Variants in PLCH2 observed in about 807,000 individuals in gnomAD.
The protein encoded by PLCH2 is phospholipase C eta 2.
PLCH2 carries 98 observed loss-of-function variants against 134.7 expected under a neutral mutation model. The observed-to-expected ratio is 0.73, with a 90% CI of 0.62 to 0.86. PLCH2 has a LOEUF of 0.86. PLCH2 is among the 40% of genes least tolerant of loss of function. The pLI is 0.00. For synonymous variants in PLCH2, 974 were observed against 827.5 expected, an observed-to-expected ratio of 1.18 and a Z score of -3.04; for missense variants, 1,994 against 1,986.6, an observed-to-expected ratio of 1.00 and a Z score of -0.07.
intron 2 of PLCH2, among the ~76,000 whole-genome samples, chr1:2,459,029 G>A (rs1457175075): frequency 6.6e-6 from 1 of 152,000 alleles, no homozygotes; most frequent in Non-Finnish European, 1.5e-5. Flanking sequence ...GTAGTGACCT[G>A]GCCCCCTCAT....
At chr1:2,431,888 G>C (rs2494640) in intron 2 of PLCH2, among the ~76,000 whole-genome samples, 95,581 of 151,968 alleles carry the variant, frequency 0.63, 30,417 homozygotes, top group South Asian at 0.74. Flanking sequence ...TGGTTGAGCC[G>C]GAATCGTGTC....
chr1:2,452,824 G>A (rs982321236), intron 2 of PLCH2, among the ~76,000 whole-genome samples: 11 of 152,218 alleles, frequency 7.2e-5, no homozygotes, highest in African/African-American at 2.2e-4. Flanking sequence ...GCCTGGCCCC[G>A]GGTGCAGCAA....
At chr1:2,462,841 C>CT (rs1029958328), upstream of PLCH2, among the ~76,000 whole-genome samples, 87 of 152,306 alleles carry the variant, frequency 5.7e-4, 1 homozygote, top group African/African-American at 2.0e-3. Context: ...TCAGCCCATC[C>CT]TGGTGCCAAG....
At chr1:2,438,681 G>A (rs377305235) in intron 2 of PLCH2, among the ~76,000 whole-genome samples, 3 of 152,182 alleles carry the variant, frequency 2.0e-5, no homozygotes, top group South Asian at 2.1e-4. Context: ...TCTTGCCCCC[G>A]CCTCCCAACA....
intron 12 of PLCH2, 30 bp from the exon 13 acceptor site, chr1:2,495,458 C>T: frequency 6.5e-7 from 1 of 1,546,114 alleles, no homozygotes; most frequent in Non-Finnish European, 8.8e-7. Flanking sequence ...GCCAGAGGCC[C>T]TACAGCTCAC....
At chr1:2,423,415 A>C (rs986493765), upstream of PLCH2, among the ~76,000 whole-genome samples, 9 of 152,204 alleles carry the variant, frequency 5.9e-5, no homozygotes, top group South Asian at 1.0e-3. Context: ...CAAGGCCACC[A>C]GGTTGGTGTG....
At chr1:2,455,096 G>T (rs1387325883) in intron 2 of PLCH2, among the ~76,000 whole-genome samples, 5 of 152,156 alleles carry the variant, frequency 3.3e-5, no homozygotes, top group African/African-American at 1.2e-4. Context: ...CCATGATGCT[G>T]AGCCCCCAGC....
chr1:2,484,593 A>G lies in PLCH2; in HGVS notation c.791A>G (p.Gln264Arg). 6.2e-7 allele frequency: 1 copy of G among 1,612,596 alleles called. No homozygotes were observed. The highest frequency in any genetic ancestry group is 1.1e-5 in the South Asian group (1 of 91,084). The change falls in exon 5 of 22, where the codon CAG becomes CGG. Residue 264 changes from glutamine (Q) to arginine (R), a missense_variant. Physicochemically the swap from Gln to Arg is conservative, Grantham distance 43 (BLOSUM62 1). This residue lies in a region of PLCH2 where 1,094 missense variants were observed against 1,234.3 expected (regional missense o/e 0.89). Transcript: ENST00000378486. ...GACCACCTGGATGCCGCCAGCCTGCAGCGCTTCCTGCAGGTGGAGCAGAAG... is the reference window on the plus strand; with the variant it reads ...GACCACCTGGATGCCGCCAGCCTGCGGCGCTTCCTGCAGGTGGAGCAGAAG... ...HKDHLDAASLQRFLQVEQKMA... is the reference protein window; with the variant it reads ...HKDHLDAASLRRFLQVEQKMA...
At chr1:2,464,908 CG>C (rs1640985079), upstream of PLCH2, among the ~76,000 whole-genome samples, 1 of 152,200 alleles carries the variant, frequency 6.6e-6, no homozygotes, top group African/African-American at 2.4e-5. Context: ...AGACTGAAGA[CG>C]GGACCCTCAG....
intron 20 of PLCH2, chr1:2,500,263 G>C (rs1208331880): frequency 6.0e-6 from 1 of 166,304 alleles, no homozygotes; most frequent in Non-Finnish European, 1.3e-5. Context: ...CTTTGAGCTG[G>C]GGCCCAGTGC....
rs375479407 is a variant in PLCH2, at chr1:2,504,676, C to T, written c.3714C>T (p.Gly1238=). Residue 1238 remains glycine (G), a synonymous_variant, in exon 22 of 22, where the codon GGC becomes GGT. Transcript: ENST00000378486. ...GCCTCCCCTTCCGGCCTCCCTGGGG[C>T]TGCCTTTCCCTGGTGGGCGTGCAGG... is the stretch of plus-strand genomic sequence containing the variant. ...MAGLPFRPPW[G]CLSLVGVQDC... 1.1e-5 allele frequency: 17 copies of T among 1,612,480 alleles called. No homozygotes were observed. Among genetic ancestry groups the T allele is most frequent in the African/African-American group, 2.7e-5 (2 of 74,942 alleles).
intron 2 of PLCH2, among the ~76,000 whole-genome samples, chr1:2,436,741 A>G (rs1466571275): frequency 1.3e-5 from 2 of 152,096 alleles, no homozygotes; most frequent in African/African-American, 2.4e-5. Flanking sequence ...CCCTTCTCCT[A>G]GTGTCCTGGA....
chr1:2,456,305 C>T (rs971821812), intron 2 of PLCH2, among the ~76,000 whole-genome samples: 14 of 152,334 alleles, frequency 9.2e-5, no homozygotes, highest in East Asian at 3.9e-4. Context: ...GGCGCTGGCT[C>T]CTACCTGACC....
Position 2,503,083 on chromosome 1 carries a change from A to G in PLCH2, c.2959+674A>G, listed in dbSNP as rs1307644695. The G allele has an allele frequency of 8.6e-6, 6 of 700,992 alleles. 1 individual carries two copies. The highest frequency in any genetic ancestry group is 6.0e-5 in the South Asian group (4 of 66,584). The allele number at this position is 700,992 out of a possible 1,614,324, so 43.4% of individuals were successfully genotyped here. A position where few individuals can be genotyped will look rare whatever the true frequency, so the allele number is the denominator to read the frequency against. ...TGCTCCCTTGGCTTGCCTGTGGCCC[A>G]TAGCCCCAGCCCTCCTGTCTGAGCT... is the stretch of plus-strand genomic sequence containing the variant. On this transcript the variant is annotated intron_variant, in intron 21 of 21. Coordinates refer to ENST00000378486, the MANE Select transcript of PLCH2 (RefSeq NM_014638.4).
upstream of PLCH2, among the ~76,000 whole-genome samples, chr1:2,472,438 AG>A (rs1474050181): frequency 6.6e-6 from 1 of 152,070 alleles, no homozygotes; most frequent in Admixed American, 6.5e-5. Context: ...TGGGGCTGCG[AG>A]GGGCAGGGGG....
At chr1:2,445,658 G>A (rs1419708063) in intron 2 of PLCH2, among the ~76,000 whole-genome samples, 2 of 152,092 alleles carry the variant, frequency 1.3e-5, no homozygotes, top group East Asian at 3.9e-4. Flanking sequence ...AGGCAGAGGA[G>A]CTGGTGGGCA....
intron 4 of PLCH2, among the ~76,000 whole-genome samples, chr1:2,483,041 T>TG (rs1344192895): frequency 6.6e-6 from 1 of 152,204 alleles, no homozygotes; most frequent in Non-Finnish European, 1.5e-5. Flanking sequence ...GTGTGGGCTC[T>TG]GGGAAGAGGA....
At chr1:2,471,379 G>A (rs146008366), upstream of PLCH2, among the ~76,000 whole-genome samples, 8 of 152,336 alleles carry the variant, frequency 5.3e-5, no homozygotes, top group East Asian at 1.5e-3. Flanking sequence ...GGGAAGGTAC[G>A]GGTCACCTGG....
At chr1:2,491,576 T>C (rs1642585078) in intron 11 of PLCH2, among the ~76,000 whole-genome samples, 1 of 152,178 alleles carries the variant, frequency 6.6e-6, no homozygotes, top group South Asian at 2.1e-4. Flanking sequence ...GGGGACATGA[T>C]TGCCTTCCCT....
Sources: gnomAD v4.1 joint callset for allele counts (sites outside exome capture counted in the v4.1 genomes callset) on GRCh38, gnomAD v4.1.1 for gene constraint, gnomAD v4.1.1 regional missense constraint, MANE v1.5 for transcripts, NCBI Gene and HGNC (gene_info 2026-07-23, HGNC 2026-07-21) for gene names.